EFHD2: variants seen among roughly 807,000 people sequenced by gnomAD.
EFHD2 encodes EF-hand domain-containing protein D2.
In EFHD2, 12 loss-of-function variants were observed where a neutral mutation model predicts 20.3. The observed-to-expected ratio is 0.59, with a 90% confidence interval of 0.38 to 0.96. The LOEUF (loss-of-function observed/expected upper bound fraction) is 0.96. EFHD2 is among the 40% of genes least tolerant of loss of function. The pLI is 0.00. For missense variants in EFHD2, 250 were observed against 334.3 expected, an observed-to-expected ratio of 0.75 and a Z score of 1.97; for synonymous variants, 131 against 143.9, an observed-to-expected ratio of 0.91 and a Z score of 0.64.
Position 15,429,935 on chromosome 1 carries a change from C to G in EFHD2, c.*1211C>G, listed in dbSNP as rs1301085555. 1 of 152,724 alleles carries G rather than the reference C, an allele frequency of 6.5e-6. No individual in the cohort carries two copies. Among genetic ancestry groups the G allele is most frequent in the Non-Finnish European group, 1.5e-5 (1 of 68,060 alleles). The allele number at this position is 152,724 out of a possible 1,614,324, so 9.5% of individuals were successfully genotyped here. On this transcript the variant is annotated 3_prime_UTR_variant, in exon 4 of 4. Transcript: ENST00000375980. ...CGTGAAACTGTGACCATCACTCAGTCCAAACAAGTGAGTGGCCCTCGAGGC... is the reference window on the plus strand; with the variant it reads ...CGTGAAACTGTGACCATCACTCAGTGCAAACAAGTGAGTGGCCCTCGAGGC...
intron 1 of EFHD2, among the ~76,000 whole-genome samples, chr1:15,421,324 G>T (rs956348264): frequency 6.6e-6 from 1 of 152,166 alleles, no homozygotes; most frequent in African/African-American, 2.4e-5. Flanking sequence ...AGGGCACAGG[G>T]CAGATGGCCA....
chr1:15,417,583 C>T (rs1452002720), intron 1 of EFHD2, among the ~76,000 whole-genome samples: 2 of 152,192 alleles, frequency 1.3e-5, no homozygotes, highest in Non-Finnish European at 2.9e-5. Flanking sequence ...CTCTCTTTCT[C>T]CCCCAACCCC....
rs368223399 is a variant in EFHD2 at position 15,427,128 on chromosome 1, C to T, written c.457-22C>T. 1.6e-5 allele frequency: 26 copies of T among 1,608,732 alleles called. No individual in the cohort carries two copies. The African/African-American group carries it at 2.5e-4, about 16-fold the overall frequency. On this transcript the variant is annotated intron_variant, in intron 2 of 3. Coordinates refer to ENST00000375980, the MANE Select transcript of EFHD2 (RefSeq NM_024329.6). ...CTCCTTCCCTCCCTTCCTGACACCGCGCGCCTCCCTCCCCGCTGCAGTTCC... is the reference window on the plus strand; with the variant it reads ...CTCCTTCCCTCCCTTCCTGACACCGTGCGCCTCCCTCCCCGCTGCAGTTCC...
In EFHD2 at chr1:15,429,621, C is replaced by A. The variant is rs1200621371; in HGVS notation, c.*897C>A. The A allele has an allele frequency of 6.6e-6, 1 of 152,618 alleles. No individual in the cohort carries two copies. Among genetic ancestry groups the A allele is most frequent in the East Asian group, 1.9e-4 (1 of 5,202 alleles). The allele number at this position is 152,618 out of a possible 1,614,324, so 9.5% of individuals were successfully genotyped here. ...GAGACGAGCGCTTCGCCTTGATTCT[C>A]CGAGAAGCCTCCGAGAAGTGCTTTA... is the stretch of plus-strand genomic sequence containing the variant. On this transcript the variant is annotated 3_prime_UTR_variant, in exon 4 of 4. Coordinates refer to ENST00000375980, the MANE Select transcript of EFHD2 (RefSeq NM_024329.6).
chr1:15,418,431 G>A (rs1372117719), intron 1 of EFHD2, among the ~76,000 whole-genome samples: 3 of 147,934 alleles, frequency 2.0e-5, no homozygotes, highest in Admixed American at 6.9e-5. Flanking sequence ...TCAGCCTCCC[G>A]AGTAGCTGGG....
chr1:15,425,794 C>T, intron 1 of EFHD2, 77 bp from the exon 2 acceptor site: 1 of 1,547,098 alleles, frequency 6.5e-7, no homozygotes, highest in South Asian at 1.2e-5. Flanking sequence ...CTCTGATCCC[C>T]CAGTCTCCTT....
chr1:15,415,719 A>T (rs1386740194), intron 1 of EFHD2, among the ~76,000 whole-genome samples: 1 of 151,854 alleles, frequency 6.6e-6, no homozygotes, highest in Non-Finnish European at 1.5e-5. Flanking sequence ...CGAACTTCTG[A>T]CCTCAAGTGA....
At chr1:15,417,648 G>A (rs1325980117) in intron 1 of EFHD2, among the ~76,000 whole-genome samples, 2 of 152,186 alleles carry the variant, frequency 1.3e-5, no homozygotes, top group Non-Finnish European at 2.9e-5. Flanking sequence ...TCCCAGATAG[G>A]ACTAGAGGAA....
intron 3 of EFHD2, 150 bp downstream of exon 3, chr1:15,427,434 C>CTCTGTAT: frequency 7.1e-7 from 1 of 1,404,896 alleles, no homozygotes; most frequent in Non-Finnish European, 9.5e-7. Flanking sequence ...GGCCCACACG[C>CTCTGTAT]TCTGTCTTCT....
intron 1 of EFHD2, among the ~76,000 whole-genome samples, chr1:15,419,845 C>G (rs1371307623): frequency 6.6e-6 from 1 of 152,192 alleles, no homozygotes; most frequent in African/African-American, 2.4e-5. Flanking sequence ...CACACATTGG[C>G]ACCATGAGAG....
intron 1 of EFHD2, among the ~76,000 whole-genome samples, chr1:15,424,422 G>A (rs1707839899): frequency 6.6e-6 from 1 of 152,172 alleles, no homozygotes; most frequent in Non-Finnish European, 1.5e-5. Context: ...TTACTACACA[G>A]AAGCCAGTCA....
At position 15,428,504 on chromosome 1, in the gene EFHD2, T is replaced by G. The variant is rs1707910047; in HGVS notation, c.592-89T>G. On this transcript the variant is annotated intron_variant, in intron 3 of 3. Transcript: ENST00000375980. Reference sequence around the variant, plus strand: ...AGAGCGAGACTTTGTCTCAGAAAAATTAAAGAAAAAAGAAAAAGCAGCTGT... The same window carrying G: ...AGAGCGAGACTTTGTCTCAGAAAAAGTAAAGAAAAAAGAAAAAGCAGCTGT... 2.7e-6 allele frequency: 4 copies of G among 1,454,808 alleles called. 1 individual carries two copies. The highest frequency in any genetic ancestry group is 2.7e-6 in the Non-Finnish European group (3 of 1,091,372). The allele number at this position is 1,454,808 out of a possible 1,614,324, so 90.1% of individuals were successfully genotyped here.
At position 15,417,802 on chromosome 1, in the gene EFHD2, T is replaced by C. The variant is rs1305614125; in HGVS notation, c.308+7523T>C. On this transcript the variant is annotated intron_variant, in intron 1 of 3. Transcript: ENST00000375980. ...TCCAATTGTCTGTTCTCCTGGGACC[T>C]GCACGCCCAGAGCGGCCATCAGTAA... 2.0e-5 allele frequency among the ~76,000 whole-genome samples: 3 copies of C among 152,242 alleles called. No homozygotes were observed. The East Asian group carries it at 5.8e-4, about 29-fold the overall frequency.
intron 1 of EFHD2, among the ~76,000 whole-genome samples, chr1:15,422,085 A>ATTCCAT: frequency 1.2e-5 from 1 of 86,638 alleles, no homozygotes; most frequent in East Asian, 3.2e-4. Flanking sequence ...AGGTCATTCC[A>ATTCCAT]TTTTTTTTTT....
intron 3 of EFHD2, among the ~76,000 whole-genome samples, chr1:15,428,191 C>T (rs1019752709): frequency 2.0e-5 from 3 of 152,034 alleles, no homozygotes; most frequent in Non-Finnish European, 2.9e-5. Context: ...CAGAAGGGAC[C>T]CCAGGAAAAG....
chr1:15,422,835 T>C (rs1707817018), intron 1 of EFHD2, among the ~76,000 whole-genome samples: 1 of 152,080 alleles, frequency 6.6e-6, no homozygotes, highest in Non-Finnish European at 1.5e-5. Flanking sequence ...CACTCCAGCC[T>C]GGGCGACAGA....
rs140040672 is a variant in EFHD2 at position 15,424,678 on chromosome 1, G to A, written c.309-1193G>A. On this transcript the variant is annotated intron_variant, in intron 1 of 3. Coordinates refer to ENST00000375980, the MANE Select transcript of EFHD2 (RefSeq NM_024329.6). ...TGCCCCCGTCCTGCTCTGTGCCCTCGACAAAGGCAGAGGCCCTGCCTTAGA... is the reference window on the plus strand; with the variant it reads ...TGCCCCCGTCCTGCTCTGTGCCCTCAACAAAGGCAGAGGCCCTGCCTTAGA... 1.3e-3 allele frequency among the ~76,000 whole-genome samples: 195 copies of A among 152,210 alleles called. 1 individual carries two copies. Among genetic ancestry groups the A allele is most frequent in the African/African-American group, 4.0e-3 (166 of 41,526 alleles).
chr1:15,417,981 C>CTTTTTTTTT (rs57589251), intron 1 of EFHD2, among the ~76,000 whole-genome samples: 7 of 97,088 alleles, frequency 7.2e-5, no homozygotes, highest in Non-Finnish European at 1.0e-4. Flanking sequence ...CTTTCTTTTT[C>CTTTTTTTTT]TTTTTTTTTT....
chr1:15,422,084 C>CTTT (rs1557500519), intron 1 of EFHD2, among the ~76,000 whole-genome samples: 7 of 128,564 alleles, frequency 5.4e-5, no homozygotes, highest in African/African-American at 1.4e-4. Context: ...CAGGTCATTC[C>CTTT]ATTTTTTTTT....
Sources: gnomAD v4.1 joint callset for allele counts (sites outside exome capture counted in the v4.1 genomes callset) on GRCh38, gnomAD v4.1.1 for gene constraint, MANE v1.5 for transcripts, NCBI Gene and HGNC (gene_info 2026-07-23, HGNC 2026-07-21) for gene names.